The following SH3D19 variants were observed in gnomAD, a reference collection of about 807,000 sequenced individuals.
The protein encoded by SH3D19 is SH3 domain-containing protein 19.
A neutral mutation model predicts 112.1 loss-of-function variants in SH3D19; 58 were observed. The observed-to-expected ratio is 0.52, with a 90% confidence interval of 0.42 to 0.64. The LOEUF is 0.64. Ranked by LOEUF, SH3D19 falls within the 30% of genes least tolerant of loss-of-function variation. The pLI is 0.00. For synonymous variants in SH3D19, 391 were observed against 448.5 expected, an observed-to-expected ratio of 0.87 and a Z score of 1.62; for missense variants, 1,090 against 1,263.4, an observed-to-expected ratio of 0.86 and a Z score of 2.08.
chr4:151,175,033 G>C lies in SH3D19; in HGVS notation c.1171C>G (p.Leu391Val). 1.3e-5 allele frequency: 21 copies of C among 1,614,220 alleles called. No homozygotes were observed. The highest frequency in any genetic ancestry group is 1.8e-5 in the Non-Finnish European group (21 of 1,180,038). Residue 391 changes from leucine to valine, a missense_variant, in exon 7 of 20, where the codon CTT becomes GTT. Leu to Val is a conservative substitution (Grantham distance 32). Transcript: ENST00000604030. The part of the protein sequence containing the change: ...PELPKKPNPG[L>V]IRSVNPEIPG... ...ATCTCAGGATTAACACTTCGTATAA[G>C]GCCAGGGTTTGGTTTCTTTGGCAAT... is the stretch of plus-strand genomic sequence containing the variant.
At chr4:151,307,447 G>A (rs534025470) in intron 1 of SH3D19, among the ~76,000 whole-genome samples, 99 of 152,286 alleles carry the variant, frequency 6.5e-4, no homozygotes, top group African/African-American at 2.3e-3. Flanking sequence ...CCAAGGTGGC[G>A]CAGCCCTCGT....
intron 1 of SH3D19, among the ~76,000 whole-genome samples, chr4:151,249,979 T>C (rs916229776): frequency 6.6e-6 from 1 of 152,334 alleles, no homozygotes; most frequent in Non-Finnish European, 1.5e-5. Flanking sequence ...CCCATCAAAC[T>C]GGCCAAAATG....
rs551798786 is a variant in SH3D19, at chr4:151,285,364, A to G, written c.112+39877T>C. On this transcript the variant is annotated intron_variant, in intron 1 of 19. Coordinates refer to ENST00000604030, the MANE Select transcript of SH3D19 (RefSeq NM_001378122.1). Reference sequence around the variant, plus strand: ...TAAACCATATGCTAAGCTGTAAAACAAGCCTCAATAAAGTTGGAAGGATTA... The same window carrying G: ...TAAACCATATGCTAAGCTGTAAAACGAGCCTCAATAAAGTTGGAAGGATTA... 3.3e-5 allele frequency among the ~76,000 whole-genome samples: 5 copies of G among 152,344 alleles called. No individual in the cohort carries two copies. The East Asian group carries it at 9.6e-4, about 29-fold the overall frequency.
intron 1 of SH3D19, among the ~76,000 whole-genome samples, chr4:151,237,384 A>G (rs1464174512): frequency 3.9e-5 from 6 of 152,222 alleles, no homozygotes; most frequent in Admixed American, 3.9e-4. Flanking sequence ...TCTCAGAATA[A>G]CAGCTTACAT....
chr4:151,282,523 GATCA>G, intron 1 of SH3D19: 1 of 1,071,266 alleles, frequency 9.3e-7, no homozygotes, highest in East Asian at 2.5e-5. Context: ...AACAAAACCA[GATCA>G]ATCTAATGAT....
intron 2 of SH3D19, among the ~76,000 whole-genome samples, chr4:151,207,563 G>A (rs1194424962): frequency 6.6e-6 from 1 of 152,142 alleles, no homozygotes; most frequent in African/African-American, 2.4e-5. Context: ...TTTTCTTCAG[G>A]TAGCCAAAGG....
Position 151,165,710 on chromosome 4 carries a change from T to A in SH3D19, c.1535-14A>T. On this transcript the variant is annotated splice_polypyrimidine_tract_variant and intron_variant, in intron 7 of 19. Coordinates refer to ENST00000604030, the MANE Select transcript of SH3D19 (RefSeq NM_001378122.1). ...GCTGAAAGGGATCTAATGAAAAACA[T>A]AGTTTATTTTGCATGTTTTAGTTAA... 2 of 1,606,680 alleles carry A rather than the reference T, an allele frequency of 1.2e-6. No individual in the cohort carries two copies. The highest frequency in any genetic ancestry group is 1.7e-6 in the Non-Finnish European group (2 of 1,173,554).
intron 1 of SH3D19, among the ~76,000 whole-genome samples, chr4:151,268,881 A>C (rs1773022171): frequency 6.6e-6 from 1 of 152,042 alleles, no homozygotes; most frequent in South Asian, 2.1e-4. Flanking sequence ...TGCTATTGAG[A>C]ATAGTGCCAC....
chr4:151,304,202 C>T (rs1439337083), intron 1 of SH3D19, among the ~76,000 whole-genome samples: 1 of 152,010 alleles, frequency 6.6e-6, no homozygotes, highest in African/African-American at 2.4e-5. Context: ...TTAAGACCTC[C>T]AAAAGTCTAT....
intron 15 of SH3D19, among the ~76,000 whole-genome samples, chr4:151,133,461 G>A (rs1270172279): frequency 1.3e-5 from 2 of 152,110 alleles, no homozygotes; most frequent in Non-Finnish European, 2.9e-5. Context: ...CGGAGTGCAC[G>A]CAGCTGGGTG....
rs779230622 is a variant in SH3D19 at position 151,174,697 on chromosome 4, C to T, written c.1507G>A (p.Glu503Lys). 4.6e-6 allele frequency: 7 copies of T among 1,514,292 alleles called. No homozygotes were observed. The highest frequency in any genetic ancestry group is 6.2e-6 in the Non-Finnish European group (7 of 1,133,004). The allele number at this position is 1,514,292 out of a possible 1,614,324, so 93.8% of individuals were successfully genotyped here. The change falls in exon 7 of 20, where the codon GAA becomes AAA. Residue 503 changes from glutamate to lysine, a missense_variant. Transcript: ENST00000604030. ...LPTPSGNLAE[E>K]SVGSEMVLDP... ...AGAACCATCTCTGAACCAACAGATT[C>T]TTCAGCCAGGTTCCCCGATGGGGTG... is the stretch of plus-strand genomic sequence containing the variant.
At chr4:151,160,288 C>T in intron 8 of SH3D19, among the ~76,000 whole-genome samples, 1 of 152,016 alleles carries the variant, frequency 6.6e-6, no homozygotes. Context: ...GGGGTTTCAC[C>T]GTGTTAGCCA....
chr4:151,277,256 G>A lies in SH3D19; in HGVS notation c.112+47985C>T, dbSNP rs560204077. On this transcript the variant is annotated intron_variant, in intron 1 of 19. Coordinates refer to ENST00000604030, the MANE Select transcript of SH3D19 (RefSeq NM_001378122.1). ...GCCAGGGTGGGGTTGAGAAGGCAGA[G>A]GCAGAGGATTTTTACTAAAGAGGGC... is the stretch of plus-strand genomic sequence containing the variant. 225 of 1,463,362 alleles carry A rather than the reference G, an allele frequency of 1.5e-4. 4 individuals are homozygous for A. In the South Asian group the frequency reaches 3.0e-3, roughly 20 times the overall value. 90.6% of individuals were successfully genotyped at this position (1,463,362 alleles called of 1,614,324 possible). A position where few individuals can be genotyped will look rare whatever the true frequency, so the allele number is the denominator to read the frequency against.
chr4:151,155,588 T>TA (rs1297928948), intron 9 of SH3D19, among the ~76,000 whole-genome samples: 2 of 147,426 alleles, frequency 1.4e-5, no homozygotes, highest in Non-Finnish European at 3.0e-5. Flanking sequence ...TATGGACATT[T>TA]AAAAAAAACG....
At chr4:151,138,084 G>A (rs1217474961) in intron 13 of SH3D19, among the ~76,000 whole-genome samples, 1 of 152,082 alleles carries the variant, frequency 6.6e-6, no homozygotes, top group Non-Finnish European at 1.5e-5. Context: ...ACCATGCTTT[G>A]ATTGATGGGA....
At chr4:151,207,017 A>C (rs1765218943) in intron 2 of SH3D19, among the ~76,000 whole-genome samples, 1 of 152,176 alleles carries the variant, frequency 6.6e-6, no homozygotes, top group South Asian at 2.1e-4. Flanking sequence ...TCTGTCTTTT[A>C]GTTTAAACTT....
chr4:151,318,468 T>C (rs1730232293), intron 1 of SH3D19, among the ~76,000 whole-genome samples: 2 of 152,136 alleles, frequency 1.3e-5, no homozygotes, highest in South Asian at 4.1e-4. Flanking sequence ...GATACATGAA[T>C]GCCAAAGAAA....
In SH3D19 at chr4:151,122,195, T is replaced by G. The variant is rs1475957202; in HGVS notation, c.3040A>C (p.Ile1014Leu). 1 of 1,589,066 alleles carries G rather than the reference T, an allele frequency of 6.3e-7. No individual in the cohort carries two copies. Among genetic ancestry groups the G allele is most frequent in the Non-Finnish European group, 8.6e-7 (1 of 1,157,878 alleles). Reference sequence around the variant, plus strand: ...TCATCTACAGATTCCAGCTCTGTTATTATATCTCCAGCCTGTAAGACAAAA... The same window carrying G: ...TCATCTACAGATTCCAGCTCTGTTAGTATATCTCCAGCCTGTAAGACAAAA... ...DELSFKAGDI[I>L]TELESVDDDW... The change falls in exon 20 of 20, where the codon ATA becomes CTA. Residue 1014 changes from isoleucine to leucine, a missense_variant. By Grantham distance (5) the Ile-to-Leu change is conservative (BLOSUM62 2). Coordinates refer to ENST00000604030, the MANE Select transcript of SH3D19 (RefSeq NM_001378122.1).
At chr4:151,145,389 C>T (rs1312582569) in intron 11 of SH3D19, among the ~76,000 whole-genome samples, 1 of 152,090 alleles carries the variant, frequency 6.6e-6, no homozygotes. Context: ...TCTTGCCCCA[C>T]CCCAACTAAT....
Sources: gnomAD v4.1 joint callset for allele counts (sites outside exome capture counted in the v4.1 genomes callset) on GRCh38, gnomAD v4.1.1 for gene constraint, MANE v1.5 for transcripts, NCBI Gene and HGNC (gene_info 2026-07-23, HGNC 2026-07-21) for gene names.